The following NLRP13 variants were observed in gnomAD, a reference collection of about 807,000 sequenced individuals.
NLRP13 encodes NACHT, LRR and PYD domains-containing protein 13.
A neutral mutation model predicts 94.4 loss-of-function variants in NLRP13; 82 were observed. That is an observed-to-expected ratio of 0.87 (90% CI 0.73 to 1.04). The LOEUF is 1.04. Ranked by LOEUF, NLRP13 falls within the 50% of genes least tolerant of loss-of-function variation. The pLI is 0.00. For synonymous variants in NLRP13, 553 were observed against 464.7 expected, an observed-to-expected ratio of 1.19 and a Z score of -2.45; for missense variants, 1,426 against 1,230.8, an observed-to-expected ratio of 1.16 and a Z score of -2.37.
At chr19:55,894,207 A>AT (rs1457737503), downstream of NLRP13, among the ~76,000 whole-genome samples, 2 of 151,830 alleles carry the variant, frequency 1.3e-5, no homozygotes, top group East Asian at 3.9e-4. Context: ...TGCCAAGCCA[A>AT]TTTTTTAAAA....
chr19:55,925,528 A>G (rs996080943), intron 1 of NLRP13, among the ~76,000 whole-genome samples: 1 of 152,182 alleles, frequency 6.6e-6, no homozygotes, highest in African/African-American at 2.4e-5. Context: ...TGTGTAGAAC[A>G]GTACCCCACA....
intron 4 of NLRP13, among the ~76,000 whole-genome samples, chr19:55,913,650 G>T (rs1365702862): frequency 6.7e-6 from 1 of 149,878 alleles, no homozygotes; most frequent in Non-Finnish European, 1.5e-5. Flanking sequence ...GAGCGATCAA[G>T]AACACCTTTA....
chr19:55,902,001 A>G, intron 9 of NLRP13, 34 bp downstream of exon 9: 1 of 1,609,374 alleles, frequency 6.2e-7, no homozygotes, highest in African/African-American at 1.3e-5. Flanking sequence ...GCTCTCCTCC[A>G]TCTGCCAACT....
In NLRP13 at chr19:55,924,155, C is replaced by G. The variant is rs142434950; in HGVS notation, c.458-176G>C. ...TTTATTTTTAAGAAATGGAGTCTCACTCTGTTGCCCACGCTAGAGTGCAGT... is the reference window on the plus strand; with the variant it reads ...TTTATTTTTAAGAAATGGAGTCTCAGTCTGTTGCCCACGCTAGAGTGCAGT... On this transcript the variant is annotated intron_variant, in intron 3 of 10. Coordinates refer to ENST00000342929, the MANE Select transcript of NLRP13 (RefSeq NM_176810.2). Among the ~76,000 whole-genome samples, 540 of 152,270 alleles carry G rather than the reference C, an allele frequency of 3.5e-3. 20 individuals are homozygous for G. The South Asian group carries it at 0.078, about 22-fold the overall frequency.
Position 55,912,530 on chromosome 19 carries a change from C to G in NLRP13, c.1287G>C (p.Trp429Cys). 6.2e-7 allele frequency: 1 copy of G among 1,614,100 alleles called. No individual in the cohort carries two copies. The highest frequency in any genetic ancestry group is 8.5e-7 in the Non-Finnish European group (1 of 1,180,002). ...GCTGCTTCAGACAGGAACATACGGTCCAACACACCATGGGGGCACTGCAGG... is the reference window on the plus strand; with the variant it reads ...GCTGCTTCAGACAGGAACATACGGTGCAACACACCATGGGGGCACTGCAGG... ...FHSCSAPMVC[W>C]TVCSCLKQPK... Residue 429 changes from tryptophan (W) to cysteine (C), a missense_variant, in exon 5 of 11, where the codon TGG (tryptophan) becomes TGC (cysteine). Trp to Cys is a radical substitution (Grantham distance 215, BLOSUM62 -2). Transcript: ENST00000342929.
At chr19:55,894,788 C>T (rs140780114), downstream of NLRP13, among the ~76,000 whole-genome samples, 443 of 152,138 alleles carry the variant, frequency 2.9e-3, 3 homozygotes, top group Admixed American at 0.012. Context: ...GGCCCAGAGT[C>T]GGTATTGAAA....
chr19:55,896,319 C>CA (rs1358063321), intron 10 of NLRP13, among the ~76,000 whole-genome samples, 200 bp from the exon 11 acceptor site: 2 of 150,810 alleles, frequency 1.3e-5, no homozygotes, highest in Non-Finnish European at 3.0e-5. Context: ...GGTCAAGAGA[C>CA]AGAGACCATC....
Position 55,901,898 on chromosome 19 carries a change from G to A in NLRP13, c.2789+137C>T, listed in dbSNP as rs573081430. The A allele has an allele frequency of 4.4e-6, 4 of 899,236 alleles. No homozygotes were observed. The East Asian group carries it at 8.0e-5, about 18-fold the overall frequency. 55.7% of individuals were successfully genotyped at this position (899,236 alleles called of 1,614,324 possible). On this transcript the variant is annotated intron_variant, in intron 9 of 10. Coordinates refer to ENST00000342929, the MANE Select transcript of NLRP13 (RefSeq NM_176810.2). Reference sequence around the variant, plus strand: ...CCCACTTTCCCCATCCCACACCCCCGACAAAACCAGAAGCTCCTCCATGGC... The same window carrying A: ...CCCACTTTCCCCATCCCACACCCCCAACAAAACCAGAAGCTCCTCCATGGC...
intron 5 of NLRP13, 148 bp downstream of exon 5, chr19:55,911,558 C>A: frequency 1.4e-6 from 1 of 721,306 alleles, no homozygotes; most frequent in Non-Finnish European, 2.3e-6. Flanking sequence ...GGACAACATT[C>A]TTTCAAGTTA....
rs71182931 is a variant in NLRP13 at position 55,906,337 on chromosome 19, C to CAAA, written c.2448-1228_2448-1226dup. Among the ~76,000 whole-genome samples the CAAA allele has an allele frequency of 2.8e-4, 17 of 60,974 alleles. 2 individuals are homozygous for CAAA. Among genetic ancestry groups the CAAA allele is most frequent in the African/African-American group, 9.6e-4 (13 of 13,578 alleles). The allele number at this position is 60,974 out of a possible 152,430, so 40.0% of individuals were successfully genotyped here. A position where few individuals can be genotyped will look rare whatever the true frequency, so the allele number is the denominator to read the frequency against. On this transcript the variant is annotated intron_variant, in intron 7 of 10. Transcript: ENST00000342929. ...TGGGTGACAGAGTGAGACTCCATCT[C>CAAA]AAAAAAAAAAAAAAAAAGACAGATG...
At chr19:55,906,667 C>G (rs1477191190) in intron 7 of NLRP13, among the ~76,000 whole-genome samples, 2 of 152,114 alleles carry the variant, frequency 1.3e-5, no homozygotes, top group African/African-American at 4.8e-5. Flanking sequence ...GCTGACAAAT[C>G]TGGTAGGTAA....
In NLRP13 at chr19:55,912,376, T is replaced by A; in HGVS notation, c.1441A>T (p.Arg481Trp). ...LADDSWPGQW[R>W]ALCSLAIEGL... ...TCTATGGCCAGACTGCAGAGGGCCC[T>A]CCATTGTCCTGGCCAGCTGTCATCT... The change falls in exon 5 of 11, where the codon AGG becomes TGG. Residue 481 changes from arginine to tryptophan, a missense_variant. Physicochemically the swap from Arg to Trp is moderately radical, Grantham distance 101. Coordinates refer to ENST00000342929, the MANE Select transcript of NLRP13 (RefSeq NM_176810.2). 6.2e-7 allele frequency: 1 copy of A among 1,614,118 alleles called. No individual in the cohort carries two copies. Among genetic ancestry groups the A allele is most frequent in the Non-Finnish European group, 8.5e-7 (1 of 1,180,002 alleles).
intron 10 of NLRP13, among the ~76,000 whole-genome samples, chr19:55,897,553 G>A (rs192986953): frequency 9.9e-5 from 15 of 152,202 alleles, no homozygotes; most frequent in Admixed American, 4.6e-4. Flanking sequence ...AAAAAAGTCA[G>A]AATGAGTCTC....
intron 1 of NLRP13, among the ~76,000 whole-genome samples, chr19:55,930,825 T>C (rs1600282503): frequency 7.3e-6 from 1 of 136,238 alleles, no homozygotes; most frequent in Admixed American, 7.3e-5. Flanking sequence ...CCACAGCAGA[T>C]TACATGGTGC....
intron 4 of NLRP13, among the ~76,000 whole-genome samples, chr19:55,920,313 C>T (rs1013433432): frequency 1.3e-5 from 2 of 151,962 alleles, no homozygotes; most frequent in Non-Finnish European, 2.9e-5. Flanking sequence ...GCAAGAAAAA[C>T]AAAAATAAAC....
At chr19:55,898,696 T>A (rs917319588) in intron 10 of NLRP13, 74 bp downstream of exon 10, 1 of 1,423,124 alleles carries the variant, frequency 7.0e-7, no homozygotes, top group East Asian at 2.4e-5. Flanking sequence ...TAACCCCCGA[T>A]GGGATCCGAT....
chr19:55,909,447 C>A (rs1986443567), intron 6 of NLRP13, among the ~76,000 whole-genome samples: 1 of 151,742 alleles, frequency 6.6e-6, no homozygotes, highest in Admixed American at 6.6e-5. Flanking sequence ...CATCCCAGGA[C>A]AAGCCTAGGA....
rs200702313 is a variant in NLRP13, at chr19:55,913,486, GTTGCAGTGAGCCGAGAGGCAC to G, written c.524-214_524-194del. Among the ~76,000 whole-genome samples, 54 of 136,478 alleles carry G rather than the reference GTTGCAGTGAGCCGAGAGGCAC, an allele frequency of 4.0e-4. 1 individual carries two copies. In the East Asian group the frequency reaches 0.012, roughly 31 times the overall value. The allele number at this position is 136,478 out of a possible 152,430, so 89.5% of individuals were successfully genotyped here. The stretch of plus-strand genomic sequence containing the variant: ...AATGGCGTGAACCCGGGAGGCGGAG[GTTGCAGTGAGCCGAGAGGCAC>G]CACTGCACTCCAGCCTGGGTGACAG... On this transcript the variant is annotated intron_variant, in intron 4 of 10. Transcript: ENST00000342929.
intron 6 of NLRP13, among the ~76,000 whole-genome samples, chr19:55,908,817 C>T (rs900807130): frequency 6.6e-6 from 1 of 152,120 alleles, no homozygotes; most frequent in Admixed American, 6.6e-5. Context: ...CTAATGGGTA[C>T]TGGGATTAAT....
Sources: gnomAD v4.1 joint callset for allele counts (sites outside exome capture counted in the v4.1 genomes callset) on GRCh38, gnomAD v4.1.1 for gene constraint, MANE v1.5 for transcripts, NCBI Gene and HGNC (gene_info 2026-07-23, HGNC 2026-07-21) for gene names.